The following KSR1 variants were observed in gnomAD, a reference collection of about 807,000 sequenced individuals.
The protein encoded by KSR1 is kinase suppressor of ras.
KSR1 carries 35 observed loss-of-function variants against 92.9 expected under a neutral mutation model. The observed-to-expected ratio is 0.38, with a 90% CI of 0.29 to 0.50. The LOEUF is 0.50. Ranked by LOEUF, KSR1 falls within the 20% of genes least tolerant of loss-of-function variation. The pLI is 0.94. For synonymous variants in KSR1, 467 were observed against 472.6 expected, an observed-to-expected ratio of 0.99 and a Z score of 0.15; for missense variants, 972 against 1,158.5, an observed-to-expected ratio of 0.84 and a Z score of 2.34.
At chr17:27,534,742 TA>T (rs1468098977) in intron 1 of KSR1, among the ~76,000 whole-genome samples, 3 of 152,200 alleles carry the variant, frequency 2.0e-5, no homozygotes, top group Non-Finnish European at 4.4e-5. Flanking sequence ...GCACAGGGCC[TA>T]GGGGGATAAC....
chr17:27,501,427 T>G (rs1408279191), intron 1 of KSR1, among the ~76,000 whole-genome samples: 1 of 151,280 alleles, frequency 6.6e-6, no homozygotes, highest in East Asian at 2.0e-4. Context: ...AAGAGTTGAA[T>G]TTTAATAGCT....
chr17:27,585,954 A>C (rs1598087146), intron 5 of KSR1: 1 of 453,272 alleles, frequency 2.2e-6, no homozygotes, highest in Non-Finnish European at 4.0e-6. Flanking sequence ...GCCCTTCCCC[A>C]CCGAGACTCT....
In KSR1 at chr17:27,482,078, A is replaced by G. The variant is rs1378391050; in HGVS notation, c.231+25204A>G. On this transcript the variant is annotated intron_variant, in intron 1 of 20. Coordinates refer to ENST00000644974, the MANE Select transcript of KSR1 (RefSeq NM_001394583.1). ...GCATGCCAGCTGCTTAGTAAAAAGC[A>G]TAAATGTTGTTGGTGGTGCTGAGAA... Among the ~76,000 whole-genome samples the G allele has an allele frequency of 3.9e-5, 6 of 152,276 alleles. No homozygotes were observed. The East Asian group carries it at 1.2e-3, about 29-fold the overall frequency.
At chr17:27,467,540 T>G (rs2019755966) in intron 1 of KSR1, among the ~76,000 whole-genome samples, 1 of 152,202 alleles carries the variant, frequency 6.6e-6, no homozygotes, top group Non-Finnish European at 1.5e-5. Flanking sequence ...AGATAGACAT[T>G]ATCTTGTGAA....
chr17:27,554,807 G>A (rs1417575190), intron 2 of KSR1, among the ~76,000 whole-genome samples: 2 of 152,178 alleles, frequency 1.3e-5, no homozygotes, highest in Admixed American at 6.5e-5. Flanking sequence ...TGCCAAAAAG[G>A]TTGGGGACCA....
At chr17:27,542,050 A>G (rs1327786868) in intron 1 of KSR1, among the ~76,000 whole-genome samples, 2 of 152,178 alleles carry the variant, frequency 1.3e-5, no homozygotes, top group East Asian at 1.9e-4. Flanking sequence ...ACATGATTGT[A>G]TTTTGTGGAG....
chr17:27,588,439 T>C, intron 5 of KSR1, 36 bp from the exon 6 acceptor site: 1 of 1,545,624 alleles, frequency 6.5e-7, no homozygotes. Flanking sequence ...GCCTGCGGAG[T>C]TCCTCAGCCT....
chr17:27,478,635 C>T (rs2068415365), intron 1 of KSR1, among the ~76,000 whole-genome samples: 1 of 152,034 alleles, frequency 6.6e-6, no homozygotes. Context: ...CTTCAGAGTC[C>T]AGACCTAATG....
At chr17:27,481,668 C>T (rs2068513470) in intron 1 of KSR1, among the ~76,000 whole-genome samples, 1 of 152,076 alleles carries the variant, frequency 6.6e-6, no homozygotes, top group African/African-American at 2.4e-5. Context: ...GGAAACTCAT[C>T]CTTTTGGGGG....
intron 2 of KSR1, among the ~76,000 whole-genome samples, chr17:27,558,703 G>GT (rs71840627): frequency 6.6e-4 from 95 of 143,258 alleles, no homozygotes; most frequent in Middle Eastern, 3.7e-3. Flanking sequence ...TCTGTTTTTT[G>GT]TTTTTTTTTT....
chr17:27,577,317 A>C lies in KSR1; in HGVS notation c.373-175A>C. The C allele has an allele frequency of 3.6e-6, 2 of 560,986 alleles. No individual in the cohort carries two copies. Among genetic ancestry groups the C allele is most frequent in the Non-Finnish European group, 6.3e-6 (2 of 318,948 alleles). The allele number at this position is 560,986 out of a possible 1,614,324, so 34.8% of individuals were successfully genotyped here. ...TCAGCTGCTGTCTCTGGGAGCCTGG[A>C]GGGTGGGGGCCAGGGAGCTCTGCTT... On this transcript the variant is annotated intron_variant, in intron 2 of 20. Coordinates refer to ENST00000644974, the MANE Select transcript of KSR1 (RefSeq NM_001394583.1). The surrounding 1 kb of genome is among the most constrained non-coding windows in gnomAD (Gnocchi z 4.5).
At chr17:27,475,257 G>A (rs561116504) in intron 1 of KSR1, among the ~76,000 whole-genome samples, 5 of 152,272 alleles carry the variant, frequency 3.3e-5, no homozygotes, top group African/African-American at 2.4e-5. Context: ...CTGCACTCAC[G>A]GGTCTCTGAG....
intron 20 of KSR1, chr17:27,621,879 G>C (rs749494142): frequency 2.7e-5 from 43 of 1,607,564 alleles, no homozygotes; most frequent in Non-Finnish European, 3.7e-5. Context: ...CTCTGCATTG[G>C]GGCTATGATT....
chr17:27,593,871 C>T (rs760996095), intron 9 of KSR1, among the ~76,000 whole-genome samples: 6 of 152,212 alleles, frequency 3.9e-5, no homozygotes, highest in Non-Finnish European at 8.8e-5. Context: ...GGAAGGTCCA[C>T]CTTCTCACAG....
At chr17:27,598,526 C>A (rs1312332700) in intron 10 of KSR1, among the ~76,000 whole-genome samples, 1 of 152,192 alleles carries the variant, frequency 6.6e-6, no homozygotes, top group African/African-American at 2.4e-5. Context: ...CTGGATATCT[C>A]CTGACATTCA....
At chr17:27,539,209 G>A (rs1002378636) in intron 1 of KSR1, among the ~76,000 whole-genome samples, 1 of 152,226 alleles carries the variant, frequency 6.6e-6, no homozygotes, top group Non-Finnish European at 1.5e-5. Flanking sequence ...TGTGATTGAG[G>A]GGTTGAGCTG....
intron 9 of KSR1, among the ~76,000 whole-genome samples, chr17:27,595,928 G>A (rs2073330986): frequency 6.6e-6 from 1 of 152,160 alleles, no homozygotes; most frequent in Admixed American, 6.5e-5. Flanking sequence ...GCTTCCCTGG[G>A]CCCTTCTCCC....
Position 27,456,756 on chromosome 17 carries a change from T to A in KSR1, c.113T>A (p.Leu38Gln), listed in dbSNP as rs2019184100. Residue 38 changes from leucine to glutamine, a missense_variant, in exon 1 of 21, where the codon CTG (leucine) becomes CAG (glutamine). Physicochemically the swap from Leu to Gln is moderately radical, Grantham distance 113. This residue lies in a region of KSR1 where 19 missense variants were observed against 60.3 expected (regional missense o/e 0.32). Transcript: ENST00000644974. The stretch of plus-strand genomic sequence containing the variant: ...GCAGGGGCCGCGGCCAGCCGGGCGC[T>A]GCAGCAGTGCGGGCAGCTCCAGAAG... ...GGAGAAASRA[L>Q]QQCGQLQKLI... 6.5e-7 allele frequency: 1 copy of A among 1,539,856 alleles called. No individual in the cohort carries two copies. Among genetic ancestry groups the A allele is most frequent in the African/African-American group, 1.4e-5 (1 of 73,652 alleles).
chr17:27,581,126 G>A (rs992445063), intron 3 of KSR1, among the ~76,000 whole-genome samples: 2 of 152,078 alleles, frequency 1.3e-5, no homozygotes, highest in Admixed American at 6.5e-5. Flanking sequence ...CAGGCATAGC[G>A]GAAGGCAAGG....
Sources: gnomAD v4.1 joint callset for allele counts (sites outside exome capture counted in the v4.1 genomes callset) on GRCh38, gnomAD v4.1.1 for gene constraint, gnomAD v4.1.1 regional missense constraint, Gnocchi (gnomAD v3.1) non-coding constraint, MANE v1.5 for transcripts, NCBI Gene and HGNC (gene_info 2026-07-23, HGNC 2026-07-21) for gene names.